The following KHDRBS2 variants were observed in gnomAD, a reference collection of about 807,000 sequenced individuals.
KHDRBS2 encodes KH domain-containing, RNA-binding, signal transduction-associated protein 2.
A neutral mutation model predicts 44.3 loss-of-function variants in KHDRBS2; 26 were observed. The observed-to-expected ratio is 0.59, with a 90% confidence interval of 0.43 to 0.81. KHDRBS2 has a LOEUF of 0.81. KHDRBS2 is among the 40% of genes least tolerant of loss of function. The pLI, the probability that KHDRBS2 is intolerant of heterozygous loss-of-function variation, is 0.00. For missense variants in KHDRBS2, 476 were observed against 433.1 expected (o/e 1.10, Z -0.88); for synonymous variants, 194 against 151.1 (o/e 1.28, Z -2.08).
At chr6:61,709,820 G>T (rs1319781297) in intron 7 of KHDRBS2, among the ~76,000 whole-genome samples, 1 of 151,610 alleles carries the variant, frequency 6.6e-6, no homozygotes, top group Non-Finnish European at 1.5e-5. Context: ...GTTTGAAATG[G>T]ACATAATTTT....
At chr6:62,275,407 T>C (rs1179565722) in intron 1 of KHDRBS2, among the ~76,000 whole-genome samples, 1 of 152,200 alleles carries the variant, frequency 6.6e-6, no homozygotes, top group Admixed American at 6.5e-5. Context: ...CTTAAAACTG[T>C]CTGGAGACAT....
intron 2 of KHDRBS2, among the ~76,000 whole-genome samples, chr6:62,094,769 T>TAA (rs1800213650): frequency 6.6e-6 from 1 of 151,946 alleles, no homozygotes; most frequent in Non-Finnish European, 1.5e-5. Context: ...GTTTGATTCT[T>TAA]CTGCATGTCG....
the KHDRBS2 span, among the ~76,000 whole-genome samples, chr6:61,620,282 G>T: frequency 6.6e-6 from 1 of 151,200 alleles, no homozygotes. Context: ...TGACCTTTAA[G>T]CAAATAGACT....
intron 8 of KHDRBS2, among the ~76,000 whole-genome samples, chr6:61,694,465 A>T (rs1307581539): frequency 1.3e-5 from 2 of 152,188 alleles, no homozygotes; most frequent in African/African-American, 4.8e-5. Context: ...ATTTTCAATG[A>T]ATTAAAGAAA....
At chr6:62,213,111 C>T (rs943700851) in intron 1 of KHDRBS2, among the ~76,000 whole-genome samples, 4 of 152,052 alleles carry the variant, frequency 2.6e-5, no homozygotes, top group African/African-American at 7.3e-5. Context: ...GTGTAGGATT[C>T]CAGAAATAAA....
At chr6:61,586,757 A>AG in the KHDRBS2 span, among the ~76,000 whole-genome samples, 4 of 152,010 alleles carry the variant, frequency 2.6e-5, no homozygotes, top group East Asian at 5.8e-4. Flanking sequence ...GCCAGCCCAG[A>AG]AAAAAAAGAA....
At chr6:61,594,871 C>T in the KHDRBS2 span, among the ~76,000 whole-genome samples, 64 of 152,084 alleles carry the variant, frequency 4.2e-4, 3 homozygotes, top group Admixed American at 4.1e-3. Flanking sequence ...GCTTAAAATA[C>T]TTGACCAAAA....
At chr6:61,996,008 A>G (rs948405289) in intron 3 of KHDRBS2, among the ~76,000 whole-genome samples, 1 of 152,212 alleles carries the variant, frequency 6.6e-6, no homozygotes, top group Admixed American at 6.5e-5. Context: ...AGATCATCTA[A>G]TAACACTGGT....
chr6:62,009,677 C>A (rs1779930310), intron 3 of KHDRBS2, among the ~76,000 whole-genome samples: 1 of 152,174 alleles, frequency 6.6e-6, no homozygotes, highest in Non-Finnish European at 1.5e-5. Context: ...CCCTGTGTCC[C>A]TGCCACTCCA....
At chr6:62,171,865 G>C (rs1289206069) in intron 2 of KHDRBS2, among the ~76,000 whole-genome samples, 1 of 152,044 alleles carries the variant, frequency 6.6e-6, no homozygotes, top group African/African-American at 2.4e-5. Context: ...ATTCTTTTGA[G>C]ACAAGCAAAT....
chr6:61,586,848 C>G, the KHDRBS2 span, among the ~76,000 whole-genome samples: 1 of 152,270 alleles, frequency 6.6e-6, no homozygotes, highest in East Asian at 1.9e-4. Context: ...CAGCTTCATC[C>G]TTGAACTTCT....
At chr6:62,184,447 T>C (rs1319985778) in intron 1 of KHDRBS2, among the ~76,000 whole-genome samples, 7 of 151,382 alleles carry the variant, frequency 4.6e-5, no homozygotes, top group African/African-American at 7.3e-5. Flanking sequence ...ACTTTCCAAA[T>C]AAAGAAACGG....
intron 1 of KHDRBS2, among the ~76,000 whole-genome samples, chr6:62,212,024 G>T (rs1829139633): frequency 6.6e-6 from 1 of 152,154 alleles, no homozygotes; most frequent in Admixed American, 6.5e-5. Flanking sequence ...GATGGAGCTG[G>T]AGGCCATTAT....
At chr6:61,897,180 T>G (rs1254704718) in intron 5 of KHDRBS2, among the ~76,000 whole-genome samples, 2 of 152,150 alleles carry the variant, frequency 1.3e-5, no homozygotes, top group Non-Finnish European at 2.9e-5. Flanking sequence ...GAGGATCTTT[T>G]GAAAATTCCA....
chr6:61,836,473 T>C (rs1330991024), intron 6 of KHDRBS2, among the ~76,000 whole-genome samples: 1 of 152,080 alleles, frequency 6.6e-6, no homozygotes, highest in Non-Finnish European at 1.5e-5. Context: ...AAATTTTTCA[T>C]GTTTTATTAT....
At chr6:61,696,305 G>C (rs1446206684) in intron 8 of KHDRBS2, among the ~76,000 whole-genome samples, 1 of 150,462 alleles carries the variant, frequency 6.6e-6, no homozygotes, top group African/African-American at 2.4e-5. Context: ...TGCCAGGCTG[G>C]AGTGCGGTGG....
chr6:62,175,814 A>G (rs1488712904), intron 2 of KHDRBS2, among the ~76,000 whole-genome samples: 2 of 151,652 alleles, frequency 1.3e-5, no homozygotes, highest in East Asian at 1.9e-4. Context: ...AATAATCAGC[A>G]TAAAACCACT....
intron 1 of KHDRBS2, among the ~76,000 whole-genome samples, chr6:62,217,076 A>ATTTTCATC (rs1291646633): frequency 6.6e-6 from 1 of 150,432 alleles, no homozygotes; most frequent in African/African-American, 2.4e-5. Flanking sequence ...ACACTATGTT[A>ATTTTCATC]TTTTCATCTA....
chr6:61,834,330 A>C (rs1792307843), intron 6 of KHDRBS2, among the ~76,000 whole-genome samples: 1 of 152,078 alleles, frequency 6.6e-6, no homozygotes, highest in Non-Finnish European at 1.5e-5. Context: ...TTTAAAAACA[A>C]AAATATGTAT....
Sources: allele counts gnomAD v4.1 joint callset (sites outside exome capture counted in the v4.1 genomes callset), GRCh38; gene constraint gnomAD v4.1.1; transcripts MANE v1.5; gene names NCBI Gene and HGNC (gene_info 2026-07-23, HGNC 2026-07-21).